The following B4GALNT3 variants were observed in gnomAD, a reference collection of about 807,000 sequenced individuals.
B4GALNT3 encodes beta-1,4-N-acetylgalactosaminyltransferase 3.
Under a neutral mutation model 120.2 loss-of-function variants are expected in B4GALNT3, and 86 were observed. The ratio of observed to expected loss-of-function variants is 0.72; its 90% CI spans 0.60 to 0.86. B4GALNT3 has a LOEUF of 0.86. Ranked by LOEUF, B4GALNT3 falls within the 40% of genes least tolerant of loss-of-function variation. The pLI, the probability that B4GALNT3 is intolerant of heterozygous loss-of-function variation, is 0.00. For synonymous variants in B4GALNT3, 518 were observed against 510.4 expected, an observed-to-expected ratio of 1.01 and a Z score of -0.20; for missense variants, 1,167 against 1,298.9, an observed-to-expected ratio of 0.90 and a Z score of 1.56.
intron 1 of B4GALNT3, among the ~76,000 whole-genome samples, chr12:507,537 C>T (rs115796906): frequency 0.024 from 3,689 of 152,284 alleles, 156 homozygotes; most frequent in African/African-American, 0.082. Context: ...AAAGGAGCCA[C>T]GTGGCCTGGG....
intron 1 of B4GALNT3, among the ~76,000 whole-genome samples, chr12:524,078 AAC>A (rs1756371030): frequency 1.3e-5 from 2 of 152,148 alleles, no homozygotes; most frequent in Admixed American, 6.5e-5. Flanking sequence ...AAAACAAAAA[AAC>A]ACACATCGGA....
intron 1 of B4GALNT3, among the ~76,000 whole-genome samples, chr12:488,893 GAA>G (rs55921058): frequency 7.0e-5 from 10 of 143,840 alleles, no homozygotes; most frequent in Admixed American, 1.4e-4. Context: ...GGCTCCACTG[GAA>G]AAAAAAAAAA....
At chr12:490,452 A>T (rs1481899993) in intron 1 of B4GALNT3, among the ~76,000 whole-genome samples, 1 of 152,164 alleles carries the variant, frequency 6.6e-6, no homozygotes, top group Non-Finnish European at 1.5e-5. Flanking sequence ...AAAGAATATT[A>T]TGGGCTGGGT....
intron 3 of B4GALNT3, among the ~76,000 whole-genome samples, chr12:537,054 G>A (rs888794790): frequency 2.6e-5 from 4 of 152,214 alleles, no homozygotes; most frequent in African/African-American, 9.6e-5. Flanking sequence ...GCAGCCATCT[G>A]TTTAACTTGG....
intron 1 of B4GALNT3, among the ~76,000 whole-genome samples, chr12:466,964 T>C (rs1946087234): frequency 6.6e-6 from 1 of 152,142 alleles, no homozygotes; most frequent in Non-Finnish European, 1.5e-5. Flanking sequence ...ACACAGAGTA[T>C]TACCAGTACC....
chr12:541,718 C>T (rs1946917658), intron 3 of B4GALNT3, among the ~76,000 whole-genome samples: 1 of 152,082 alleles, frequency 6.6e-6, no homozygotes, highest in South Asian at 2.1e-4. Flanking sequence ...AGCCTCTCTG[C>T]CTGGGGCTGC....
chr12:524,957 CTTG>C (rs111424134), intron 1 of B4GALNT3, among the ~76,000 whole-genome samples: 18,120 of 152,064 alleles, frequency 0.12, 1,611 homozygotes, highest in East Asian at 0.4. Context: ...TTCTGTTGAA[CTTG>C]TTGGTGGGTT....
intron 1 of B4GALNT3, among the ~76,000 whole-genome samples, chr12:475,951 G>C (rs907621338): frequency 6.6e-6 from 1 of 152,194 alleles, no homozygotes; most frequent in Admixed American, 6.5e-5. Context: ...TGTTTCCTCC[G>C]TATGGACATG....
At position 521,367 on chromosome 12, in the gene B4GALNT3, T is replaced by C. The variant is rs147652592; in HGVS notation, c.170-13799T>C. ...TCCTAAGCAGAGACACACTGAGGTGTCTGGAGCCGGGTCACTGGGTGGCTG... is the reference window on the plus strand; with the variant it reads ...TCCTAAGCAGAGACACACTGAGGTGCCTGGAGCCGGGTCACTGGGTGGCTG... On this transcript the variant is annotated intron_variant, in intron 1 of 19. Coordinates refer to ENST00000266383, the MANE Select transcript of B4GALNT3 (RefSeq NM_173593.4). Among the ~76,000 whole-genome samples the C allele has an allele frequency of 1.1e-4, 17 of 152,280 alleles. No individual in the cohort carries two copies. The South Asian group carries it at 1.9e-3, about 17-fold the overall frequency.
Position 468,204 on chromosome 12 carries a change from A to G in B4GALNT3, c.169+7659A>G, listed in dbSNP as rs147211503. Among the ~76,000 whole-genome samples the G allele has an allele frequency of 7.7e-4, 117 of 152,250 alleles. 1 individual carries two copies. Among genetic ancestry groups the G allele is most frequent in the African/African-American group, 2.6e-3 (110 of 41,578 alleles). ...TACAAATATGAAGAAGAAATGAACA[A>G]TCACCTAAAATGTCACCACTCTGAC... On this transcript the variant is annotated intron_variant, in intron 1 of 19. Transcript: ENST00000266383.
intron 1 of B4GALNT3, among the ~76,000 whole-genome samples, chr12:496,441 A>T (rs1025690732): frequency 6.6e-6 from 1 of 152,120 alleles, no homozygotes; most frequent in Non-Finnish European, 1.5e-5. Context: ...ATCTACTAAA[A>T]ATACAAAAAT....
chr12:556,663 C>T lies in B4GALNT3; in HGVS notation c.2177C>T (p.Ser726Leu), dbSNP rs567579470. 69 of 1,614,004 alleles carry T rather than the reference C, an allele frequency of 4.3e-5. No homozygotes were observed. The highest frequency in any genetic ancestry group is 1.6e-4 in the Middle Eastern group (1 of 6,062). The change falls in exon 15 of 20, where the codon TCG becomes TTG. Residue 726 changes from serine (S) to leucine (L), a missense_variant. Transcript: ENST00000266383. Reference sequence around the variant, plus strand: ...CAAGGCCAGCGCGTGGTGCGGCTCTCGGAGTATGTGTCTGCACGAGGCTGG... The same window carrying T: ...CAAGGCCAGCGCGTGGTGCGGCTCTTGGAGTATGTGTCTGCACGAGGCTGG... ...LEQGQRVVRLSEYVSARGWQG... is the reference protein window; with the variant it reads ...LEQGQRVVRLLEYVSARGWQG...
intron 3 of B4GALNT3, among the ~76,000 whole-genome samples, chr12:537,724 C>T (rs781715503): frequency 3.9e-5 from 6 of 152,168 alleles, no homozygotes; most frequent in Non-Finnish European, 8.8e-5. Flanking sequence ...TTGTTTAGAA[C>T]CCAGCGTCTT....
chr12:511,686 ACCTTCTGTCTTCCACCTT>A (rs1256094153), intron 1 of B4GALNT3, among the ~76,000 whole-genome samples: 1,630 of 59,766 alleles, frequency 0.027, 20 homozygotes, highest in Non-Finnish European at 0.039. Flanking sequence ...TCCGCCTTCC[ACCTTCTGTCTTCCACCTT>A]CCTTCCACCT....
intron 1 of B4GALNT3, among the ~76,000 whole-genome samples, chr12:469,817 T>TA (rs1946117947): frequency 6.6e-6 from 1 of 152,150 alleles, no homozygotes; most frequent in African/African-American, 2.4e-5. Context: ...TTATTTATTT[T>TA]TAAAAAATTT....
chr12:548,392 A>G lies in B4GALNT3; in HGVS notation c.853+95A>G. 1.7e-6 allele frequency: 2 copies of G among 1,183,674 alleles called. No homozygotes were observed. The highest frequency in any genetic ancestry group is 2.5e-6 in the Non-Finnish European group (2 of 803,244). 73.3% of individuals were successfully genotyped at this position (1,183,674 alleles called of 1,614,324 possible). ...AGGGGAGGAGGGGAGGAGGGGAGGA[A>G]GGAAGCTCGAGATGCTTGGGACACG... On this transcript the variant is annotated intron_variant, in intron 9 of 19. Coordinates refer to ENST00000266383, the MANE Select transcript of B4GALNT3 (RefSeq NM_173593.4). This position sits in a 1 kb window ranked among gnomAD's most constrained non-coding sequence, Gnocchi z 4.9.
At chr12:470,560 C>A (rs904390007) in intron 1 of B4GALNT3, among the ~76,000 whole-genome samples, 1 of 152,206 alleles carries the variant, frequency 6.6e-6, no homozygotes, top group Non-Finnish European at 1.5e-5. Flanking sequence ...CCTTTCTTCC[C>A]ATTTCAGCTG....
Position 560,078 on chromosome 12 carries a change from G to A in B4GALNT3, c.2888+657G>A, listed in dbSNP as rs551103812. The stretch of plus-strand genomic sequence containing the variant: ...AGGCCATGGGTGGTGAGGAGGCGGA[G>A]GCTGTTCCGTGTGAGGTTCCTCTTT... On this transcript the variant is annotated intron_variant, in intron 19 of 19. Coordinates refer to ENST00000266383, the MANE Select transcript of B4GALNT3 (RefSeq NM_173593.4). Among the ~76,000 whole-genome samples, 11 of 152,324 alleles carry A rather than the reference G, an allele frequency of 7.2e-5. No individual in the cohort carries two copies. In the South Asian group the frequency reaches 2.3e-3, roughly 32 times the overall value.
chr12:521,427 T>G (rs1946707849), intron 1 of B4GALNT3, among the ~76,000 whole-genome samples: 1 of 152,228 alleles, frequency 6.6e-6, no homozygotes, highest in African/African-American at 2.4e-5. Context: ...TCCTGGCCTT[T>G]CCGGGGCCCA....
Sources: allele counts gnomAD v4.1 joint callset (sites outside exome capture counted in the v4.1 genomes callset), GRCh38; gene constraint gnomAD v4.1.1; non-coding constraint Gnocchi (gnomAD v3.1); transcripts MANE v1.5; gene names NCBI Gene and HGNC (gene_info 2026-07-23, HGNC 2026-07-21).